Variants in SLC8A1 observed in about 807,000 individuals in gnomAD.
The protein encoded by SLC8A1 is solute carrier family 8 member A1, also known as sodium/calcium exchanger 1.
SLC8A1 carries 18 observed loss-of-function variants against 68.3 expected under a neutral mutation model. The ratio of observed to expected loss-of-function variants is 0.26; its 90% CI spans 0.18 to 0.39. SLC8A1 has a LOEUF of 0.39. Ranked by LOEUF, SLC8A1 falls within the 10% of genes least tolerant of loss-of-function variation. The pLI is 1.00. For synonymous variants in SLC8A1, 475 were observed against 415.5 expected (o/e 1.14, Z -1.74); for missense variants, 985 against 1,156.7 (o/e 0.85, Z 2.15).
At chr2:40,398,707 C>A (rs13006352) in intron 2 of SLC8A1, among the ~76,000 whole-genome samples, 1 of 152,014 alleles carries the variant, frequency 6.6e-6, no homozygotes, top group African/African-American at 2.4e-5. Flanking sequence ...TTTAAAATGG[C>A]TGTATAGTAT....
At chr2:40,414,851 A>C (rs1376531247) in intron 2 of SLC8A1, among the ~76,000 whole-genome samples, 1 of 152,212 alleles carries the variant, frequency 6.6e-6, no homozygotes, top group Non-Finnish European at 1.5e-5. Context: ...ACCTTGAAAA[A>C]AATACTATTG....
chr2:40,489,196 C>T (rs1445218080), intron 1 of SLC8A1, among the ~76,000 whole-genome samples: 4 of 152,056 alleles, frequency 2.6e-5, no homozygotes, highest in Non-Finnish European at 5.9e-5. Flanking sequence ...GGTGACACAT[C>T]GCTAGCAATT....
At chr2:40,374,746 C>T (rs1200433951) in intron 2 of SLC8A1, among the ~76,000 whole-genome samples, 1 of 152,034 alleles carries the variant, frequency 6.6e-6, no homozygotes, top group Admixed American at 6.6e-5. Flanking sequence ...TGGCCTGATA[C>T]AGCCTCTAAA....
intron 2 of SLC8A1, among the ~76,000 whole-genome samples, chr2:40,348,855 T>A (rs551220007): frequency 1.3e-5 from 2 of 152,236 alleles, no homozygotes; most frequent in Non-Finnish European, 2.9e-5. Flanking sequence ...AGTCCTCTTA[T>A]GCTTTCATCT....
chr2:40,459,111 G>A (rs899452999), intron 1 of SLC8A1, among the ~76,000 whole-genome samples: 2 of 152,108 alleles, frequency 1.3e-5, no homozygotes, highest in Non-Finnish European at 1.5e-5. Flanking sequence ...ATCAGTAGAA[G>A]TTTCTACTCT....
At chr2:40,373,690 AT>A (rs1678888045) in intron 2 of SLC8A1, among the ~76,000 whole-genome samples, 1 of 152,106 alleles carries the variant, frequency 6.6e-6, no homozygotes, top group South Asian at 2.1e-4. Flanking sequence ...GTACAGTTGG[AT>A]CCGAGGCTCA....
chr2:40,192,542 G>A (rs1345175466), intron 2 of SLC8A1, among the ~76,000 whole-genome samples: 1 of 151,940 alleles, frequency 6.6e-6, no homozygotes, highest in Non-Finnish European at 1.5e-5. Context: ...GAATACTAAC[G>A]CAAATGGAGA....
chr2:40,117,392 CAAAAAAAAAAAA>C (rs70957144), intron 7 of SLC8A1, among the ~76,000 whole-genome samples: 2 of 58,744 alleles, frequency 3.4e-5, no homozygotes, highest in East Asian at 8.5e-4. Context: ...ACTAAAAATA[CAAAAAAAAAAAA>C]AAAAAAAAAA....
chr2:40,281,801 G>A (rs528404358), intron 2 of SLC8A1, among the ~76,000 whole-genome samples: 13 of 152,268 alleles, frequency 8.5e-5, no homozygotes, highest in East Asian at 5.8e-4. Context: ...TCTGTAAGCC[G>A]GAATCAGCTA....
intron 2 of SLC8A1, among the ~76,000 whole-genome samples, chr2:40,281,263 TGGG>T (rs549673263): frequency 6.6e-6 from 1 of 151,692 alleles, no homozygotes; most frequent in Admixed American, 6.6e-5. Context: ...AAAAAAGGGT[TGGG>T]GGGGTGCTCT....
chr2:40,201,739 G>T (rs935238337), intron 2 of SLC8A1, among the ~76,000 whole-genome samples: 1 of 151,928 alleles, frequency 6.6e-6, no homozygotes, highest in African/African-American at 2.4e-5. Flanking sequence ...GTACCCTGAA[G>T]AAGACTTCTT....
rs181217850 is a variant in SLC8A1 at position 40,442,798 on chromosome 2, T to C, written c.-25+9106A>G. Among the ~76,000 whole-genome samples the C allele has an allele frequency of 1.4e-3, 207 of 152,248 alleles. 4 individuals are homozygous for C. Among genetic ancestry groups the C allele is most frequent in the Admixed American group, 9.9e-3 (151 of 15,288 alleles). On this transcript the variant is annotated intron_variant, in intron 1 of 7. Transcript: ENST00000406785. ...GAAATCATTCTACTATAAAGACACA[T>C]GTACACATACGTGTATTGCAGCAAT...
chr2:40,229,126 T>C (rs1290384555), intron 2 of SLC8A1, among the ~76,000 whole-genome samples: 4 of 152,164 alleles, frequency 2.6e-5, no homozygotes, highest in East Asian at 1.9e-4. Context: ...AGCTTTCATT[T>C]TGACCATGTC....
intron 2 of SLC8A1, among the ~76,000 whole-genome samples, chr2:40,222,105 C>A (rs1209020928): frequency 1.3e-5 from 2 of 152,104 alleles, no homozygotes; most frequent in Non-Finnish European, 2.9e-5. Flanking sequence ...CATCACACTA[C>A]CTGATTTCAA....
exon 8 of SLC8A1, chr2:40,106,959 A>G (rs1227860564): frequency 6.6e-6 from 1 of 152,138 alleles, no homozygotes; most frequent in Non-Finnish European, 1.5e-5. Flanking sequence ...TCAGGTACCA[A>G]CTGTTTGAAA....
intron 2 of SLC8A1, among the ~76,000 whole-genome samples, chr2:40,334,752 C>A (rs1217770728): frequency 6.6e-6 from 1 of 152,058 alleles, no homozygotes; most frequent in Non-Finnish European, 1.5e-5. Flanking sequence ...GCAGGCAATA[C>A]CATAATAGCA....
chr2:40,412,436 A>C (rs940883641), intron 2 of SLC8A1, among the ~76,000 whole-genome samples: 2 of 152,184 alleles, frequency 1.3e-5, no homozygotes, highest in South Asian at 4.1e-4. Flanking sequence ...CACTGGATTA[A>C]AAGCTGGAAA....
chr2:40,297,222 T>C (rs889154196), intron 2 of SLC8A1, among the ~76,000 whole-genome samples: 4 of 152,176 alleles, frequency 2.6e-5, no homozygotes, highest in African/African-American at 4.8e-5. Context: ...CAGAAATACA[T>C]GTTCAATAAT....
intron 7 of SLC8A1, among the ~76,000 whole-genome samples, chr2:40,130,643 G>A (rs930076609): frequency 6.6e-6 from 1 of 152,238 alleles, no homozygotes; most frequent in African/African-American, 2.4e-5. Context: ...AAATATACTT[G>A]CCCTTTAGTA....
Sources: gnomAD v4.1 joint callset for allele counts (sites outside exome capture counted in the v4.1 genomes callset) on GRCh38, gnomAD v4.1.1 for gene constraint, MANE v1.5 for transcripts, NCBI Gene and HGNC (gene_info 2026-07-23, HGNC 2026-07-21) for gene names.